The following GON4L variants were observed in gnomAD, a reference collection of about 807,000 sequenced individuals.
GON4L encodes GON-4-like protein.
A neutral mutation model predicts 211.8 loss-of-function variants in GON4L; 87 were observed. The ratio of observed to expected loss-of-function variants is 0.41; its 90% CI spans 0.35 to 0.49. The LOEUF (loss-of-function observed/expected upper bound fraction) is 0.49, where lower values mean the gene tolerates loss of function less well. Ranked by LOEUF, GON4L falls within the 20% of genes least tolerant of loss-of-function variation. GON4L has a pLI of 0.15. For missense variants in GON4L, 2,155 were observed against 2,659.5 expected (o/e 0.81, Z 4.17); for synonymous variants, 875 against 962.6 (o/e 0.91, Z 1.68).
intron 2 of GON4L, among the ~76,000 whole-genome samples, chr1:155,833,914 A>G (rs1670053762): frequency 6.6e-6 from 1 of 151,960 alleles, no homozygotes; most frequent in Middle Eastern, 3.4e-3. Context: ...TGCAACCTTG[A>G]ACTCCTGGGC....
chr1:155,791,494 A>G (rs1665552838), intron 12 of GON4L, among the ~76,000 whole-genome samples: 1 of 151,642 alleles, frequency 6.6e-6, no homozygotes, highest in African/African-American at 2.4e-5. Context: ...GCATAGGGAA[A>G]AAAAAAAAAA....
At chr1:155,809,865 TTATATATAATTATAAATTATATACA>T (rs1557885780) in intron 10 of GON4L, among the ~76,000 whole-genome samples, 344 of 11,064 alleles carry the variant, frequency 0.031, 61 homozygotes, top group African/African-American at 0.086. Flanking sequence ...AATTATATAC[TTATATATAATTATAAATTATATACA>T]TATATATAAT....
intron 2 of GON4L, chr1:155,832,937 TTG>T (rs1209440055): frequency 6.6e-6 from 1 of 151,482 alleles, no homozygotes; most frequent in African/African-American, 2.4e-5. Flanking sequence ...CCTCTCTGTT[TTG>T]TGTTACATTA....
intron 18 of GON4L, 120 bp downstream of exon 18, chr1:155,772,946 C>T: frequency 1.5e-6 from 2 of 1,349,986 alleles, no homozygotes; most frequent in Non-Finnish European, 2.1e-6. Context: ...ATTGCTTTTC[C>T]TTTTGTCTTT....
At chr1:155,789,168 CT>C (rs906373013) in intron 12 of GON4L, among the ~76,000 whole-genome samples, 3 of 151,656 alleles carry the variant, frequency 2.0e-5, no homozygotes, top group Non-Finnish European at 4.4e-5. Context: ...CATGAGGAAA[CT>C]TCCTGGGGTG....
At chr1:155,763,715 G>T (rs901396086) in intron 21 of GON4L, among the ~76,000 whole-genome samples, 151 bp from the exon 22 acceptor site, 1 of 152,152 alleles carries the variant, frequency 6.6e-6, no homozygotes, top group African/African-American at 2.4e-5. Context: ...TGAAATCCCA[G>T]CAATGGGCCA....
intron 10 of GON4L, among the ~76,000 whole-genome samples, chr1:155,807,332 G>T (rs1427775053): frequency 6.6e-6 from 1 of 152,022 alleles, no homozygotes; most frequent in African/African-American, 2.4e-5. Flanking sequence ...ACAGGAGGAG[G>T]TTGAGGCTGC....
At chr1:155,814,747 A>AAAT (rs1553212080) in intron 8 of GON4L, among the ~76,000 whole-genome samples, 1 of 149,302 alleles carries the variant, frequency 6.7e-6, no homozygotes, top group Non-Finnish European at 1.5e-5. Context: ...CTCTGTCTCA[A>AAAT]AAATAAATAA....
intron 8 of GON4L, 75 bp from the exon 9 acceptor site, chr1:155,814,524 A>C (rs1405243325): frequency 4.9e-6 from 7 of 1,424,074 alleles, no homozygotes; most frequent in Non-Finnish European, 6.9e-6. Context: ...ATCTCAAGAG[A>C]AGGAATCATA....
At chr1:155,773,232 A>C in intron 17 of GON4L, 22 bp from the exon 18 acceptor site, 2 of 1,613,750 alleles carry the variant, frequency 1.2e-6, no homozygotes, top group Non-Finnish European at 1.7e-6. Flanking sequence ...TAAATCTCGG[A>C]TAAATCAACT....
rs1258902915 is a variant in GON4L, at chr1:155,765,316, G to A, written c.4157C>T (p.Pro1386Leu). Residue 1386 changes from proline (P) to leucine (L), a missense_variant, in exon 21 of 32, where the codon CCA (proline) becomes CTA (leucine). Physicochemically the swap from Pro to Leu is moderately conservative, Grantham distance 98 (BLOSUM62 -3). This residue lies in a region of GON4L where 615 missense variants were observed against 625.7 expected (regional missense o/e 0.98). Transcript: ENST00000368331. ...VLQKEEERSQ[P>L]TKTPSSSQEP... ...TTGAGAAGATGAAGGGGTTTTAGTT[G>A]GCTGACTCCTCTCCTCTTCCTTCTG... 2 of 1,614,060 alleles carry A rather than the reference G, an allele frequency of 1.2e-6. No individual in the cohort carries two copies. The highest frequency in any genetic ancestry group is 1.7e-5 in the Admixed American group (1 of 59,992).
chr1:155,745,774 C>T, downstream of GON4L: 1 of 837,900 alleles, frequency 1.2e-6, no homozygotes, highest in Non-Finnish European at 1.9e-6. Context: ...AGCCAATCGG[C>T]TAGGAGCAGC....
At chr1:155,795,361 G>C (rs1665963626) in intron 11 of GON4L, among the ~76,000 whole-genome samples, 1 of 152,056 alleles carries the variant, frequency 6.6e-6, no homozygotes. Flanking sequence ...TGAGTAGCTG[G>C]GACCACAGGC....
intron 2 of GON4L, 137 bp downstream of exon 2, chr1:155,853,139 C>T (rs1671963998): frequency 1.2e-6 from 1 of 855,640 alleles, no homozygotes; most frequent in South Asian, 1.4e-5. Context: ...ACTGTTGACC[C>T]TTAGCAACAC....
chr1:155,834,649 C>T (rs1299241813), intron 2 of GON4L, among the ~76,000 whole-genome samples: 1 of 152,174 alleles, frequency 6.6e-6, no homozygotes, highest in African/African-American at 2.4e-5. Flanking sequence ...ATGAAAGCCA[C>T]CTCCTGTTGC....
At chr1:155,802,324 A>T (rs1368319348) in intron 11 of GON4L, among the ~76,000 whole-genome samples, 1 of 133,612 alleles carries the variant, frequency 7.5e-6, no homozygotes, top group East Asian at 2.1e-4. Context: ...GGGGGGGGGA[A>T]GGCTTTAATT....
chr1:155,806,559 A>C (rs146495739), intron 10 of GON4L, among the ~76,000 whole-genome samples: 41 of 152,050 alleles, frequency 2.7e-4, no homozygotes, highest in African/African-American at 8.0e-4. Context: ...GGCCTTCCTA[A>C]CTGCTGGGAT....
intron 2 of GON4L, among the ~76,000 whole-genome samples, chr1:155,828,119 T>C (rs993744572): frequency 6.7e-6 from 1 of 149,904 alleles, no homozygotes; most frequent in Middle Eastern, 3.3e-3. Context: ...GATCATGCCA[T>C]TGCACTCCAG....
At position 155,841,543 on chromosome 1, in the gene GON4L, GTT is replaced by G. The variant is rs139057436; in HGVS notation, c.505+11731_505+11732del. On this transcript the variant is annotated intron_variant, in intron 2 of 31. Coordinates refer to ENST00000368331, the MANE Select transcript of GON4L (RefSeq NM_001282860.2). ...TTGGCTCTTATATTGCTTAAAAGGG[GTT>G]TTAAGAGATAATAATGAGTGCCTGC... 5.6e-3 allele frequency among the ~76,000 whole-genome samples: 853 copies of G among 152,256 alleles called. 3 individuals are homozygous for G. Among genetic ancestry groups the G allele is most frequent in the Non-Finnish European group, 9.2e-3 (627 of 68,018 alleles).
Sources: allele counts gnomAD v4.1 joint callset (sites outside exome capture counted in the v4.1 genomes callset), GRCh38; gene constraint gnomAD v4.1.1; regional missense constraint gnomAD v4.1.1; transcripts MANE v1.5; gene names NCBI Gene and HGNC (gene_info 2026-07-23, HGNC 2026-07-21).